ASAH2B: variants seen among roughly 807,000 people sequenced by gnomAD.
The protein encoded by ASAH2B is putative inactive neutral ceramidase B.
In ASAH2B, 1 loss-of-function variant was observed where a neutral mutation model predicts 2.9. That is an observed-to-expected ratio of 0.34 (90% CI 0.12 to 1.63). The LOEUF is 1.63. ASAH2B is among the 40% of genes most tolerant of loss of function. ASAH2B has a pLI of 0.36. For missense variants in ASAH2B, 9 were observed against 37.7 expected, an observed-to-expected ratio of 0.24 and a Z score of 1.99; for synonymous variants, 4 against 13.3, an observed-to-expected ratio of 0.30 and a Z score of 1.52.
rs1443746434 is a variant in ASAH2B, at chr10:50,758,661, T to C, written c.*3921T>C. The C allele has an allele frequency of 6.4e-4, 97 of 152,172 alleles. No individual in the cohort carries two copies. Among genetic ancestry groups the C allele is most frequent in the African/African-American group, 2.2e-3 (90 of 41,514 alleles). The allele number at this position is 152,172 out of a possible 1,614,324, so 9.4% of individuals were successfully genotyped here. On this transcript the variant is annotated 3_prime_UTR_variant, in exon 6 of 6. Transcript: ENST00000647317. ...TGGAATAATGACGAAAAAAATTGCT[T>C]TCTGTATTGCAAAATGTATACGTTC...
At chr10:50,753,891 C>T (rs1450556952) in intron 5 of ASAH2B, among the ~76,000 whole-genome samples, 1 of 99,160 alleles carries the variant, frequency 1.0e-5, no homozygotes, top group African/African-American at 3.9e-5. Flanking sequence ...ATGTTTTTTC[C>T]TCCAGATTTC....
At chr10:50,745,547 G>GTTT in intron 3 of ASAH2B, among the ~76,000 whole-genome samples, 1 of 125,818 alleles carries the variant, frequency 7.9e-6, no homozygotes, top group Non-Finnish European at 1.7e-5. Flanking sequence ...TGTCTCTTAA[G>GTTT]TCAAGGATAG....
intron 2 of ASAH2B, among the ~76,000 whole-genome samples, chr10:50,743,486 T>C (rs1839864371): frequency 1.3e-5 from 2 of 150,708 alleles, no homozygotes; most frequent in Non-Finnish European, 2.9e-5. Flanking sequence ...GGGATGCATT[T>C]TCCAATCAGA....
At chr10:50,741,888 G>C (rs999051535) in intron 1 of ASAH2B, among the ~76,000 whole-genome samples, 10 of 152,106 alleles carry the variant, frequency 6.6e-5, no homozygotes. Context: ...AAATGAATTG[G>C]AAGGGCTTGT....
At chr10:50,742,318 C>T (rs1242353397) in intron 1 of ASAH2B, among the ~76,000 whole-genome samples, 2 of 152,074 alleles carry the variant, frequency 1.3e-5, no homozygotes, top group African/African-American at 4.8e-5. Flanking sequence ...CCGGCTGATC[C>T]TCACATGGGA....
At chr10:50,746,127 T>C (rs915383041) in intron 3 of ASAH2B, among the ~76,000 whole-genome samples, 5 of 151,464 alleles carry the variant, frequency 3.3e-5, no homozygotes, top group Non-Finnish European at 5.9e-5. Flanking sequence ...CTTTGATCAA[T>C]AGAATATAAA....
In ASAH2B at chr10:50,748,846, C is replaced by T. The variant is rs561307057; in HGVS notation, c.145-497C>T. ...CAAATATCACTGTCTTTCTTTGTCA[C>T]TTGAAAATCCATTGTTTAATATATA... On this transcript the variant is annotated intron_variant, in intron 3 of 5. Coordinates refer to ENST00000647317, the MANE Select transcript of ASAH2B (RefSeq NM_001321958.2). Among the ~76,000 whole-genome samples the T allele has an allele frequency of 5.9e-4, 89 of 151,436 alleles. 1 individual carries two copies. The highest frequency in any genetic ancestry group is 1.2e-3 in the Admixed American group (18 of 15,248).
intron 1 of ASAH2B, among the ~76,000 whole-genome samples, chr10:50,740,394 C>A (rs1188310253): frequency 6.6e-6 from 1 of 152,106 alleles, no homozygotes; most frequent in Non-Finnish European, 1.5e-5. Context: ...AGTTTCAAAG[C>A]GTTCCTAGTG....
intron 2 of ASAH2B, 30 bp downstream of exon 2, chr10:50,743,040 G>A (rs767908313): frequency 1.8e-5 from 29 of 1,569,318 alleles, no homozygotes; most frequent in South Asian, 1.7e-4. Flanking sequence ...GCGTGCGTGC[G>A]TGCGTGTGTG....
intron 2 of ASAH2B, among the ~76,000 whole-genome samples, chr10:50,743,333 G>C (rs1412562342): frequency 1.3e-5 from 2 of 151,196 alleles, no homozygotes; most frequent in African/African-American, 4.9e-5. Context: ...ACATAGGCTT[G>C]AAGATAAGTG....
Position 50,754,974 on chromosome 10 carries a change from A to G in ASAH2B, c.*234A>G, listed in dbSNP as rs554958650. The G allele has an allele frequency of 3.5e-4, 168 of 477,194 alleles. 2 individuals carry two copies. The East Asian group carries it at 4.5e-3, about 13-fold the overall frequency. The allele number at this position is 477,194 out of a possible 1,614,324, so 29.6% of individuals were successfully genotyped here. A position where few individuals can be genotyped will look rare whatever the true frequency, so the allele number is the denominator to read the frequency against. On this transcript the variant is annotated 3_prime_UTR_variant, in exon 6 of 6. Transcript: ENST00000647317. ...AGAGAGAGAGAGAGAGGTTTGTCCC[A>G]TATATCTTGTTCCAGCAGCCATATA...
chr10:50,743,147 C>T (rs74880679), intron 2 of ASAH2B, 137 bp downstream of exon 2: 1 of 873,654 alleles, frequency 1.1e-6, no homozygotes, highest in East Asian at 2.6e-5. Context: ...TTATATTTTA[C>T]AAAATTTATA....
At chr10:50,746,395 T>A (rs1344771774) in intron 3 of ASAH2B, among the ~76,000 whole-genome samples, 2 of 151,596 alleles carry the variant, frequency 1.3e-5, no homozygotes, top group Non-Finnish European at 2.9e-5. Context: ...CTTTATCCAT[T>A]CATCCATTGA....
chr10:50,746,393 A>G (rs1297072996), intron 3 of ASAH2B, among the ~76,000 whole-genome samples: 1 of 151,486 alleles, frequency 6.6e-6, no homozygotes, highest in African/African-American at 2.4e-5. Context: ...TTCTTTATCC[A>G]TTCATCCATT....
In ASAH2B at chr10:50,757,460, A is replaced by G. The variant is rs1242578063; in HGVS notation, c.*2720A>G. 2.0e-5 allele frequency: 3 copies of G among 150,676 alleles called. No individual in the cohort carries two copies. Among genetic ancestry groups the G allele is most frequent in the Non-Finnish European group, 4.5e-5 (3 of 67,386 alleles). 9.3% of individuals were successfully genotyped at this position (150,676 alleles called of 1,614,324 possible). A position where few individuals can be genotyped will look rare whatever the true frequency, so the allele number is the denominator to read the frequency against. ...AAAAAAATTTCCTAGGCAGGTAGCT[A>G]ACTATGAAATTGTTTCCTGCGCTAA... On this transcript the variant is annotated 3_prime_UTR_variant, in exon 6 of 6. Coordinates refer to ENST00000647317, the MANE Select transcript of ASAH2B (RefSeq NM_001321958.2).
chr10:50,746,773 A>T (rs1839911808), intron 3 of ASAH2B, among the ~76,000 whole-genome samples: 1 of 151,110 alleles, frequency 6.6e-6, no homozygotes, highest in African/African-American at 2.5e-5. Flanking sequence ...ATTTAAAAAA[A>T]TACCCTGTTG....
rs892822510 is a variant in ASAH2B, at chr10:50,757,956, A to G, written c.*3216A>G. 5.3e-5 allele frequency: 8 copies of G among 151,372 alleles called. No homozygotes were observed. The highest frequency in any genetic ancestry group is 7.4e-5 in the Non-Finnish European group (5 of 67,686). The allele number at this position is 151,372 out of a possible 1,614,324, so 9.4% of individuals were successfully genotyped here. On this transcript the variant is annotated 3_prime_UTR_variant, in exon 6 of 6. Coordinates refer to ENST00000647317, the MANE Select transcript of ASAH2B (RefSeq NM_001321958.2). ...ACTTAATTCTTAGGCTTATCCTCTT[A>G]GCTAAAAGATCGCTACCTCAAGTCT...
At chr10:50,748,871 A>T (rs897974164) in intron 3 of ASAH2B, among the ~76,000 whole-genome samples, 1 of 151,170 alleles carries the variant, frequency 6.6e-6, no homozygotes, top group Non-Finnish European at 1.5e-5. Flanking sequence ...TTTAATATAT[A>T]TTTTTTCCAG....
rs1414209137 is a variant in ASAH2B at position 50,758,999 on chromosome 10, ATG to A, written c.*4265_*4266del. On this transcript the variant is annotated 3_prime_UTR_variant, in exon 6 of 6. Transcript: ENST00000647317. ...AAGGAAGGCAATGGTGTGTGCATGTATGTGTGTATTAGTTTGTGTTTGTGTTT... is the reference window on the plus strand; with the variant it reads ...AAGGAAGGCAATGGTGTGTGCATGTATGTGTATTAGTTTGTGTTTGTGTTT... 6.9e-6 allele frequency: 1 copy of A among 144,294 alleles called. No individual in the cohort carries two copies. The highest frequency in any genetic ancestry group is 1.6e-5 in the Non-Finnish European group (1 of 63,936). 8.9% of individuals were successfully genotyped at this position (144,294 alleles called of 1,614,324 possible). A position where few individuals can be genotyped will look rare whatever the true frequency, so the allele number is the denominator to read the frequency against.
Sources: gnomAD v4.1 joint callset for allele counts (sites outside exome capture counted in the v4.1 genomes callset) on GRCh38, gnomAD v4.1.1 for gene constraint, MANE v1.5 for transcripts, NCBI Gene and HGNC (gene_info 2026-07-23, HGNC 2026-07-21) for gene names.